DSG2: variants seen among roughly 807,000 people sequenced by gnomAD.
DSG2 encodes the protein desmoglein-2.
DSG2 carries 45 observed loss-of-function variants against 75.6 expected under a neutral mutation model. The ratio of observed to expected loss-of-function variants is 0.60; its 90% CI spans 0.47 to 0.76. The LOEUF (loss-of-function observed/expected upper bound fraction) is 0.76, where lower values mean the gene tolerates loss of function less well. Among genes scored for constraint, DSG2 ranks in the 30% least tolerant of loss-of-function variants. The pLI, the probability that DSG2 is intolerant of heterozygous loss-of-function variation, is 0.00. For missense variants in DSG2, 1,267 were observed against 1,357.4 expected, an observed-to-expected ratio of 0.93 and a Z score of 1.05; for synonymous variants, 429 against 483.9, an observed-to-expected ratio of 0.89 and a Z score of 1.49.
intron 14 of DSG2, 69 bp from the exon 15 acceptor site, chr18:31,545,651 GT>G: frequency 6.4e-7 from 1 of 1,552,956 alleles, no homozygotes; most frequent in South Asian, 1.1e-5. Context: ...ATAGAGTCTT[GT>G]TTTAAAATGA....
rs1379316643 is a variant in DSG2 at position 31,547,831 on chromosome 18, A to T, written c.*1088A>T. 1 of 152,234 alleles carries T rather than the reference A, an allele frequency of 6.6e-6. No homozygotes were observed. The highest frequency in any genetic ancestry group is 1.5e-5 in the Non-Finnish European group (1 of 68,036). 9.4% of individuals were successfully genotyped at this position (152,234 alleles called of 1,614,324 possible). A position where few individuals can be genotyped will look rare whatever the true frequency, so the allele number is the denominator to read the frequency against. On this transcript the variant is annotated 3_prime_UTR_variant, in exon 15 of 15. Coordinates refer to ENST00000261590, the MANE Select transcript of DSG2 (RefSeq NM_001943.5). The stretch of plus-strand genomic sequence containing the variant: ...ACTTCTTATAGTAATAGTATACTTT[A>T]AAAAGCCTCAGGGTATATTATCTTC...
chr18:31,519,706 T>A, intron 2 of DSG2, 97 bp from the exon 3 acceptor site: 3 of 1,307,104 alleles, frequency 2.3e-6, no homozygotes, highest in Non-Finnish European at 3.3e-6. Flanking sequence ...TACCTTAAAA[T>A]TTGCACTATT....
In DSG2 at chr18:31,546,885, A is replaced by G; in HGVS notation, c.*142A>G. ...CTTAAAATTTTTCTCAGTCACTGAT[A>G]TGCAAAGGACCACACTGTCTCTGCT... On this transcript the variant is annotated 3_prime_UTR_variant, in exon 15 of 15. Coordinates refer to ENST00000261590, the MANE Select transcript of DSG2 (RefSeq NM_001943.5). 1.2e-6 allele frequency: 1 copy of G among 856,104 alleles called. No homozygotes were observed. The highest frequency in any genetic ancestry group is 1.4e-5 in the South Asian group (1 of 70,430). The allele number at this position is 856,104 out of a possible 1,614,324, so 53.0% of individuals were successfully genotyped here. A position where few individuals can be genotyped will look rare whatever the true frequency, so the allele number is the denominator to read the frequency against.
chr18:31,521,705 T>C (rs1274960805), intron 5 of DSG2, among the ~76,000 whole-genome samples: 24 of 152,208 alleles, frequency 1.6e-4, no homozygotes, highest in Admixed American at 1.6e-3. Context: ...GAATGAGAGA[T>C]TTCTTTTTGA....
At chr18:31,540,518 G>A (rs1446043894) in intron 12 of DSG2, among the ~76,000 whole-genome samples, 1 of 152,188 alleles carries the variant, frequency 6.6e-6, no homozygotes, top group Non-Finnish European at 1.5e-5. Context: ...ATGAATGTTT[G>A]TTAAAATTGT....
rs2073316072 is a variant in DSG2 at position 31,546,852 on chromosome 18, A to G, written c.*109A>G. 1.6e-6 allele frequency: 2 copies of G among 1,231,698 alleles called. No individual in the cohort carries two copies. The highest frequency in any genetic ancestry group is 1.8e-5 in the Admixed American group (1 of 56,800). The allele number at this position is 1,231,698 out of a possible 1,614,324, so 76.3% of individuals were successfully genotyped here. A position where few individuals can be genotyped will look rare whatever the true frequency, so the allele number is the denominator to read the frequency against. On this transcript the variant is annotated 3_prime_UTR_variant, in exon 15 of 15. Transcript: ENST00000261590. ...CTTACAGACACACAGAGACACATACACATTGATCTTAAAATTTTTCTCAGT... is the reference window on the plus strand; with the variant it reads ...CTTACAGACACACAGAGACACATACGCATTGATCTTAAAATTTTTCTCAGT...
intron 1 of DSG2, among the ~76,000 whole-genome samples, chr18:31,507,147 A>G (rs906932267): frequency 4.5e-4 from 2 of 4,414 alleles, no homozygotes; most frequent in African/African-American, 7.9e-4. Context: ...TCGTTGTTCA[A>G]CTCCCCACTT....
At chr18:31,507,332 G>A (rs1489844965) in intron 1 of DSG2, among the ~76,000 whole-genome samples, 2 of 152,150 alleles carry the variant, frequency 1.3e-5, no homozygotes, top group Non-Finnish European at 2.9e-5. Context: ...TATCATTGAT[G>A]GGCATTTGGG....
At chr18:31,539,902 G>A (rs373546931) in intron 12 of DSG2, among the ~76,000 whole-genome samples, 8 of 152,038 alleles carry the variant, frequency 5.3e-5, no homozygotes, top group Admixed American at 1.3e-4. Context: ...GCTGGCATTC[G>A]ATTCTTATAG....
At chr18:31,532,907 T>TTTTGTTTG (rs78547095) in intron 9 of DSG2, among the ~76,000 whole-genome samples, 1,818 of 150,150 alleles carry the variant, frequency 0.012, 33 homozygotes, top group African/African-American at 0.043. Flanking sequence ...TTGGCTGCTG[T>TTTTGTTTG]TTTGTTTGTT....
rs775387292 is a variant in DSG2 at position 31,546,380 on chromosome 18, A to G, written c.2994A>G (p.Gly998=). 4 of 1,614,102 alleles carry G rather than the reference A, an allele frequency of 2.5e-6. No individual in the cohort carries two copies. The South Asian group carries it at 3.3e-5, about 13-fold the overall frequency. The change falls in exon 15 of 15, where the codon GGA becomes GGG. Residue 998 remains glycine, a synonymous_variant. Coordinates refer to ENST00000261590, the MANE Select transcript of DSG2 (RefSeq NM_001943.5). The part of the protein sequence containing the change: ...TERVIQPHGG[G]SNPLEGTQHL... ...GAGTAATACAGCCTCATGGGGGTGG[A>G]TCGAATCCTCTGGAAGGCACTCAGC...
At chr18:31,520,404 A>T (rs1441853345) in intron 3 of DSG2, among the ~76,000 whole-genome samples, 1 of 152,212 alleles carries the variant, frequency 6.6e-6, no homozygotes, top group East Asian at 1.9e-4. Context: ...TTGATAAATT[A>T]TGTGATAGTG....
intron 13 of DSG2, chr18:31,542,229 C>A: frequency 2.1e-6 from 1 of 465,534 alleles, no homozygotes; most frequent in Non-Finnish European, 3.9e-6. Flanking sequence ...AAGAAGGTAT[C>A]AAACTGTAGA....
intron 8 of DSG2, among the ~76,000 whole-genome samples, chr18:31,528,774 A>G (rs186870212): frequency 3.2e-3 from 486 of 152,176 alleles, no homozygotes; most frequent in Admixed American, 6.2e-3. Context: ...AAAATAGTAC[A>G]TATTACATGA....
intron 10 of DSG2, 87 bp downstream of exon 10, chr18:31,535,499 TA>T: frequency 7.8e-7 from 1 of 1,282,040 alleles, no homozygotes. Context: ...TGATTGTGTA[TA>T]AAAACCTAAT....
chr18:31,524,257 C>T (rs565903467), intron 6 of DSG2, among the ~76,000 whole-genome samples, 191 bp from the exon 7 acceptor site: 1 of 152,178 alleles, frequency 6.6e-6, no homozygotes, highest in Non-Finnish European at 1.5e-5. Flanking sequence ...CTACAACTCC[C>T]GAGGCTTTTC....
chr18:31,536,375 G>A lies in DSG2; in HGVS notation c.1597G>A (p.Val533Ile), dbSNP rs199761749. ...HPNSGPFSFS[V>I]IDKPPGMAEK... ...AAACAGTGGCCCTTTCAGTTTCTCCGTCATTGACAAACCACCTGGCATGGC... is the reference window on the plus strand; with the variant it reads ...AAACAGTGGCCCTTTCAGTTTCTCCATCATTGACAAACCACCTGGCATGGC... Residue 533 changes from valine (V) to isoleucine (I), a missense_variant, in exon 11 of 15, where the codon GTC (valine) becomes ATC (isoleucine). Physicochemically the swap from Val to Ile is conservative, Grantham distance 29. Coordinates refer to ENST00000261590, the MANE Select transcript of DSG2 (RefSeq NM_001943.5). 304 of 1,614,110 alleles carry A rather than the reference G, an allele frequency of 1.9e-4. 2 individuals carry two copies. In the East Asian group the frequency reaches 4.0e-3, roughly 21 times the overall value.
intron 1 of DSG2, among the ~76,000 whole-genome samples, chr18:31,506,331 G>GA (rs1039336133): frequency 6.6e-6 from 1 of 151,942 alleles, no homozygotes; most frequent in Non-Finnish European, 1.5e-5. Flanking sequence ...TTCTAGAAAG[G>GA]AAAAAAACAA....
chr18:31,541,365 G>C, intron 13 of DSG2, 51 bp downstream of exon 13: 1 of 1,607,056 alleles, frequency 6.2e-7, no homozygotes. Flanking sequence ...GGTTTTAAAG[G>C]GGCCTAGGGA....
Sources: gnomAD v4.1 joint callset for allele counts (sites outside exome capture counted in the v4.1 genomes callset) on GRCh38, gnomAD v4.1.1 for gene constraint, MANE v1.5 for transcripts, NCBI Gene and HGNC (gene_info 2026-07-23, HGNC 2026-07-21) for gene names.